The following RERE variants were observed in gnomAD, a reference collection of about 807,000 sequenced individuals.
RERE encodes arginine-glutamic acid dipeptide repeats protein.
RERE carries 40 observed loss-of-function variants against 146.1 expected under a neutral mutation model. That is an observed-to-expected ratio of 0.27 (90% CI 0.21 to 0.36). The LOEUF (loss-of-function observed/expected upper bound fraction) is 0.36. Ranked by LOEUF, RERE falls within the 10% of genes least tolerant of loss-of-function variation. The pLI is 1.00. For synonymous variants in RERE, 1,003 were observed against 866.0 expected (o/e 1.16, Z -2.78); for missense variants, 1,933 against 2,138.7 (o/e 0.90, Z 1.90).
In RERE at chr1:8,356,075, G is replaced by A. The variant is rs770739663; in HGVS notation, c.4486+25C>T. 3.1e-5 allele frequency: 46 copies of A among 1,468,420 alleles called. No homozygotes were observed. Among genetic ancestry groups the A allele is most frequent in the Admixed American group, 2.5e-4 (9 of 36,608 alleles). 91.0% of individuals were successfully genotyped at this position (1,468,420 alleles called of 1,614,324 possible). A position where few individuals can be genotyped will look rare whatever the true frequency, so the allele number is the denominator to read the frequency against. ...AACCCAACCCTCACACGGCCTCCCC[G>A]CCCCTCCTGGAGGGGAAGTCTTACC... On this transcript the variant is annotated intron_variant, in intron 21 of 22. Transcript: ENST00000400908. This position sits in a 1 kb window ranked among gnomAD's most constrained non-coding sequence, Gnocchi z 5.2.
intron 11 of RERE, among the ~76,000 whole-genome samples, chr1:8,452,417 A>C (rs1644399763): frequency 6.6e-6 from 1 of 152,244 alleles, no homozygotes; most frequent in Admixed American, 6.5e-5. Context: ...ACTGCCAAGC[A>C]GTTACCAAGG....
rs780194322 is a variant in RERE at position 8,633,474 on chromosome 1, CACAA to C, written c.326-9098_326-9095del. Among the ~76,000 whole-genome samples, 736 of 152,076 alleles carry C rather than the reference CACAA, an allele frequency of 4.8e-3. 3 individuals are homozygous for C. Among genetic ancestry groups the C allele is most frequent in the East Asian group, 0.012 (64 of 5,172 alleles). On this transcript the variant is annotated intron_variant, in intron 2 of 22. Coordinates refer to ENST00000400908, the MANE Select transcript of RERE (RefSeq NM_001042681.2). ...ACACAGACACACACACACACACACACACAAAAATGTACTTCTGAGTGTTAGTTAC... is the reference window on the plus strand; with the variant it reads ...ACACAGACACACACACACACACACACAAATGTACTTCTGAGTGTTAGTTAC...
intron 2 of RERE, among the ~76,000 whole-genome samples, chr1:8,628,495 C>G (rs1026492674): frequency 6.6e-6 from 1 of 152,032 alleles, no homozygotes; most frequent in East Asian, 1.9e-4. Context: ...CTTTATAACC[C>G]TCTGACAAAT....
At chr1:8,504,307 G>A (rs1570357576) in intron 8 of RERE, among the ~76,000 whole-genome samples, 1 of 152,244 alleles carries the variant, frequency 6.6e-6, no homozygotes, top group East Asian at 1.9e-4. Context: ...AAACGATTAA[G>A]TGAAAAGGAC....
intron 1 of RERE, among the ~76,000 whole-genome samples, chr1:8,768,202 AGTCTT>A (rs1325462081): frequency 6.6e-6 from 1 of 152,120 alleles, no homozygotes; most frequent in Non-Finnish European, 1.5e-5. Flanking sequence ...GTGTTTCTGG[AGTCTT>A]GATTTTCAGC....
chr1:8,663,245 C>T (rs1638495418), intron 1 of RERE, among the ~76,000 whole-genome samples: 1 of 152,096 alleles, frequency 6.6e-6, no homozygotes, highest in Non-Finnish European at 1.5e-5. Flanking sequence ...CCTGAGTTCC[C>T]AATCCTCAAG....
At chr1:8,510,929 T>C (rs908532462) in intron 7 of RERE, among the ~76,000 whole-genome samples, 5 of 152,182 alleles carry the variant, frequency 3.3e-5, no homozygotes, top group Non-Finnish European at 5.9e-5. Flanking sequence ...TTGATTTTTA[T>C]TTTATTTTGG....
chr1:8,513,309 T>TA (rs1645366423), intron 7 of RERE, among the ~76,000 whole-genome samples: 1 of 152,204 alleles, frequency 6.6e-6, no homozygotes, highest in African/African-American at 2.4e-5. Flanking sequence ...AAACCTTTAG[T>TA]AAAAAGTGAG....
chr1:8,627,949 T>G (rs1646994068), intron 2 of RERE, among the ~76,000 whole-genome samples: 1 of 152,198 alleles, frequency 6.6e-6, no homozygotes, highest in Non-Finnish European at 1.5e-5. Context: ...TCTCAGCAGT[T>G]GTACTGGAGC....
chr1:8,663,939 T>C (rs1029896505), intron 1 of RERE, among the ~76,000 whole-genome samples: 3 of 152,058 alleles, frequency 2.0e-5, no homozygotes, highest in African/African-American at 7.2e-5. Flanking sequence ...GTGTTTCTGC[T>C]CTCCAATTCC....
At chr1:8,642,075 A>G (rs1159198446) in intron 2 of RERE, among the ~76,000 whole-genome samples, 1 of 152,240 alleles carries the variant, frequency 6.6e-6, no homozygotes, top group Non-Finnish European at 1.5e-5. Flanking sequence ...GATATATTTT[A>G]TATTTTAAAT....
chr1:8,427,788 G>A (rs900105930), intron 11 of RERE, among the ~76,000 whole-genome samples: 2 of 152,102 alleles, frequency 1.3e-5, no homozygotes, highest in African/African-American at 4.8e-5. Context: ...ATGTAGAGTA[G>A]CCCTGAAAAT....
At chr1:8,599,180 A>T (rs1646591329) in intron 4 of RERE, among the ~76,000 whole-genome samples, 1 of 152,090 alleles carries the variant, frequency 6.6e-6, no homozygotes. Context: ...CACAGTGACC[A>T]TTTCTTTTGG....
intron 12 of RERE, among the ~76,000 whole-genome samples, chr1:8,412,353 A>G (rs1164082908): frequency 2.6e-5 from 4 of 152,194 alleles, no homozygotes; most frequent in African/African-American, 7.2e-5. Flanking sequence ...TGTTTTCAAG[A>G]TAATAAAATG....
intron 10 of RERE, among the ~76,000 whole-genome samples, chr1:8,481,081 G>A (rs1557651409): frequency 2.0e-5 from 3 of 152,176 alleles, no homozygotes; most frequent in Admixed American, 2.0e-4. Context: ...TTTCTGATTG[G>A]CTAAACAGCA....
intron 1 of RERE, among the ~76,000 whole-genome samples, chr1:8,805,476 T>C (rs1317444428): frequency 6.6e-6 from 1 of 151,856 alleles, no homozygotes; most frequent in Admixed American, 6.6e-5. Context: ...TGGTGAAACC[T>C]CACCTCTACT....
chr1:8,632,714 TC>T (rs1647049184), intron 2 of RERE, among the ~76,000 whole-genome samples: 1 of 152,186 alleles, frequency 6.6e-6, no homozygotes, highest in Non-Finnish European at 1.5e-5. Flanking sequence ...CCAATTATTT[TC>T]CTGTACTTCA....
intron 11 of RERE, among the ~76,000 whole-genome samples, chr1:8,460,375 C>A (rs1256244657): frequency 6.6e-6 from 1 of 152,156 alleles, no homozygotes; most frequent in Non-Finnish European, 1.5e-5. Flanking sequence ...CGCACGGGTT[C>A]ACTGGATTAC....
At chr1:8,404,440 A>C (rs528211986) in intron 12 of RERE, among the ~76,000 whole-genome samples, 13 of 152,020 alleles carry the variant, frequency 8.6e-5, no homozygotes, top group African/African-American at 2.4e-4. Flanking sequence ...AACAAACAAA[A>C]AAAAGAGATG....
Sources: gnomAD v4.1 joint callset for allele counts (sites outside exome capture counted in the v4.1 genomes callset) on GRCh38, gnomAD v4.1.1 for gene constraint, Gnocchi (gnomAD v3.1) non-coding constraint, MANE v1.5 for transcripts, NCBI Gene and HGNC (gene_info 2026-07-23, HGNC 2026-07-21) for gene names.